The following RGS6 variants were observed in gnomAD, a reference collection of about 807,000 sequenced individuals.
RGS6 encodes the protein regulator of G-protein signaling 6.
In RGS6, 30 loss-of-function variants were observed where a neutral mutation model predicts 78.5. The observed-to-expected ratio is 0.38, with a 90% CI of 0.29 to 0.52. The LOEUF (loss-of-function observed/expected upper bound fraction) is 0.52. RGS6 is among the 20% of genes least tolerant of loss of function. RGS6 has a pLI of 0.85. For missense variants in RGS6, 495 were observed against 609.7 expected, an observed-to-expected ratio of 0.81 and a Z score of 1.98; for synonymous variants, 206 against 206.0, an observed-to-expected ratio of 1.00 and a Z score of 0.00.
At chr14:72,094,494 G>T (rs1218563841) in intron 2 of RGS6, among the ~76,000 whole-genome samples, 1 of 152,016 alleles carries the variant, frequency 6.6e-6, no homozygotes, top group Non-Finnish European at 1.5e-5. Context: ...GGATCTTACT[G>T]TATTTGCATG....
intron 17 of RGS6, chr14:72,540,639 C>T (rs1327420049): frequency 6.3e-6 from 9 of 1,428,262 alleles, no homozygotes; most frequent in African/African-American, 2.8e-5. Context: ...GCCTAGCTGG[C>T]GTGTGTGTTA....
chr14:72,109,935 C>T (rs2095715978), intron 2 of RGS6, among the ~76,000 whole-genome samples: 1 of 152,174 alleles, frequency 6.6e-6, no homozygotes, highest in South Asian at 2.1e-4. Flanking sequence ...AACTCCCAAT[C>T]CAAGACTTCT....
chr14:72,073,064 T>G (rs760346939), intron 2 of RGS6, among the ~76,000 whole-genome samples: 4 of 152,218 alleles, frequency 2.6e-5, no homozygotes, highest in Non-Finnish European at 4.4e-5. Context: ...ACATTCAGAT[T>G]GGTGGGGTTC....
intron 2 of RGS6, among the ~76,000 whole-genome samples, chr14:72,317,140 C>T (rs1567736880): frequency 6.6e-6 from 1 of 151,946 alleles, no homozygotes; most frequent in Non-Finnish European, 1.5e-5. Context: ...CACACATTTC[C>T]TCATATATGA....
intron 3 of RGS6, among the ~76,000 whole-genome samples, chr14:72,406,436 T>G (rs886593578): frequency 6.6e-6 from 1 of 152,146 alleles, no homozygotes; most frequent in Non-Finnish European, 1.5e-5. Flanking sequence ...AGCAGTTTGT[T>G]GCTTATGTCT....
chr14:72,575,898 G>C, the RGS6 span, among the ~76,000 whole-genome samples: 3 of 152,326 alleles, frequency 2.0e-5, no homozygotes, highest in East Asian at 3.9e-4. Flanking sequence ...TCGGCTCCCT[G>C]TCCTCGTTCT....
At chr14:72,260,393 T>C (rs2057928048) in intron 2 of RGS6, among the ~76,000 whole-genome samples, 1 of 152,250 alleles carries the variant, frequency 6.6e-6, no homozygotes, top group Non-Finnish European at 1.5e-5. Flanking sequence ...AATTATCTAA[T>C]ATTCTAAAAC....
At chr14:72,445,823 C>T (rs2095350221) in intron 3 of RGS6, among the ~76,000 whole-genome samples, 1 of 152,146 alleles carries the variant, frequency 6.6e-6, no homozygotes, top group African/African-American at 2.4e-5. Flanking sequence ...ATTATGTTCT[C>T]TCAAAAATTC....
chr14:72,269,676 T>A (rs902253501), intron 2 of RGS6, among the ~76,000 whole-genome samples: 1 of 148,662 alleles, frequency 6.7e-6, no homozygotes, highest in African/African-American at 2.5e-5. Flanking sequence ...GGGATTCTCC[T>A]GCCTCAGCCT....
intron 2 of RGS6, among the ~76,000 whole-genome samples, chr14:72,229,677 A>G (rs1382625077): frequency 6.6e-6 from 1 of 152,212 alleles, no homozygotes; most frequent in Non-Finnish European, 1.5e-5. Flanking sequence ...CACAGATCAA[A>G]TTAACTTAAG....
the RGS6 span, among the ~76,000 whole-genome samples, chr14:72,583,693 C>A: frequency 1.9e-4 from 29 of 152,210 alleles, no homozygotes; most frequent in Non-Finnish European, 3.7e-4. Flanking sequence ...TCTGCCAATC[C>A]TTCTTGATGC....
At chr14:72,542,511 G>T (rs1458890941) in intron 17 of RGS6, among the ~76,000 whole-genome samples, 1 of 152,238 alleles carries the variant, frequency 6.6e-6, no homozygotes, top group Non-Finnish European at 1.5e-5. Flanking sequence ...TAAATGAAGG[G>T]CCAGTTCAAT....
intron 2 of RGS6, among the ~76,000 whole-genome samples, chr14:72,177,873 A>G (rs2097127036): frequency 6.6e-6 from 1 of 152,222 alleles, no homozygotes. Flanking sequence ...CCACAACTAC[A>G]TGTCGAGAGA....
intron 2 of RGS6, among the ~76,000 whole-genome samples, chr14:72,076,776 C>G (rs771576825): frequency 2.0e-5 from 3 of 152,068 alleles, no homozygotes; most frequent in Non-Finnish European, 4.4e-5. Context: ...AAGTAATCCT[C>G]CCACCTCAGC....
At chr14:72,119,094 G>A (rs566908782) in intron 2 of RGS6, among the ~76,000 whole-genome samples, 5 of 152,194 alleles carry the variant, frequency 3.3e-5, no homozygotes, top group Middle Eastern at 6.8e-3. Context: ...AAATAATTCC[G>A]TAGAGTAATG....
intron 3 of RGS6, among the ~76,000 whole-genome samples, chr14:72,382,103 T>G (rs984900001): frequency 6.6e-6 from 1 of 152,002 alleles, no homozygotes; most frequent in Admixed American, 6.6e-5. Context: ...TAAAATTTAG[T>G]CACCTGCATT....
chr14:71,868,910 A>T, the RGS6 span, among the ~76,000 whole-genome samples: 1 of 152,282 alleles, frequency 6.6e-6, no homozygotes, highest in East Asian at 1.9e-4. Context: ...CTGTGAGTGA[A>T]TCTGTGACCA....
chr14:71,939,141 T>C (rs1474117922), intron 1 of RGS6, among the ~76,000 whole-genome samples: 1 of 152,188 alleles, frequency 6.6e-6, no homozygotes, highest in Middle Eastern at 3.2e-3. Context: ...CACACCCAAA[T>C]GAGGAATGTG....
intron 2 of RGS6, among the ~76,000 whole-genome samples, chr14:72,012,535 A>G (rs1030871346): frequency 3.2e-4 from 48 of 152,192 alleles, no homozygotes; most frequent in African/African-American, 1.0e-3. Flanking sequence ...AGGCTCTTGC[A>G]CCATTTTCCC....
Sources: gnomAD v4.1 joint callset for allele counts (sites outside exome capture counted in the v4.1 genomes callset) on GRCh38, gnomAD v4.1.1 for gene constraint, MANE v1.5 for transcripts, NCBI Gene and HGNC (gene_info 2026-07-23, HGNC 2026-07-21) for gene names.